HAPSTR1: variants seen among roughly 807,000 people sequenced by gnomAD.
HAPSTR1 encodes the protein HUWE1 associated protein modifying stress responses.
At chr16:9,092,194 G>A in the HAPSTR1 span, 1 of 1,583,998 alleles carries the variant, frequency 6.3e-7, no homozygotes. Flanking sequence ...CGGCCGCCGC[G>A]CAGCCCGAGC....
At chr16:9,116,728 A>G in the HAPSTR1 span, 1 of 1,614,184 alleles carries the variant, frequency 6.2e-7, no homozygotes, top group South Asian at 1.1e-5. Context: ...TCTCCTACAC[A>G]TGTAAGCAGT....
the HAPSTR1 span, among the ~76,000 whole-genome samples, chr16:9,101,834 T>G: frequency 6.6e-6 from 1 of 151,982 alleles, no homozygotes; most frequent in Non-Finnish European, 1.5e-5. Context: ...GACAAGAAAT[T>G]AAAGCCGCCG....
At chr16:9,117,087 G>C in the HAPSTR1 span, 1 of 856,258 alleles carries the variant, frequency 1.2e-6, no homozygotes, top group Non-Finnish European at 1.7e-6. Context: ...GATGCCTCTT[G>C]TAATTATGGC....
chr16:9,109,258 TG>T, the HAPSTR1 span: 2 of 152,186 alleles, frequency 1.3e-5, no homozygotes, highest in African/African-American at 4.8e-5. Context: ...TGGAAAGGGT[TG>T]GATTGAAATC....
the HAPSTR1 span, chr16:9,118,160 T>G: frequency 6.6e-6 from 1 of 152,628 alleles, no homozygotes; most frequent in African/African-American, 2.4e-5. Flanking sequence ...ATGATAGTGT[T>G]TTTTTAGATG....
the HAPSTR1 span, chr16:9,092,851 T>C: frequency 7.1e-7 from 1 of 1,403,002 alleles, no homozygotes; most frequent in Non-Finnish European, 9.7e-7. Flanking sequence ...ATTCTTGTTC[T>C]CTTTCTTTCT....
chr16:9,102,353 C>G, the HAPSTR1 span, among the ~76,000 whole-genome samples: 76 of 152,158 alleles, frequency 5.0e-4, no homozygotes, highest in African/African-American at 1.8e-3. Flanking sequence ...TTTACCAAAA[C>G]CCAGGTGGAG....
the HAPSTR1 span, among the ~76,000 whole-genome samples, chr16:9,093,837 G>T: frequency 3.3e-5 from 5 of 151,670 alleles, no homozygotes; most frequent in Non-Finnish European, 7.4e-5. Context: ...AGAAATTTGG[G>T]GTTGATTTTT....
At chr16:9,115,708 G>C in the HAPSTR1 span, among the ~76,000 whole-genome samples, 6 of 152,198 alleles carry the variant, frequency 3.9e-5, no homozygotes, top group African/African-American at 1.4e-4. Context: ...ACCGCCTCCC[G>C]GGTTCAAGCG....
the HAPSTR1 span, among the ~76,000 whole-genome samples, chr16:9,095,641 T>G: frequency 1.3e-5 from 2 of 151,794 alleles, no homozygotes; most frequent in African/African-American, 4.8e-5. Context: ...AAGGTCAGGA[T>G]TGAGATTAAA....
chr16:9,102,789 A>T, the HAPSTR1 span, among the ~76,000 whole-genome samples: 2 of 152,148 alleles, frequency 1.3e-5, no homozygotes, highest in Admixed American at 1.3e-4. Context: ...TAAACACTGA[A>T]TTTAGACCAT....
chr16:9,095,885 T>C, the HAPSTR1 span, among the ~76,000 whole-genome samples: 1 of 150,916 alleles, frequency 6.6e-6, no homozygotes, highest in Admixed American at 6.6e-5. Context: ...AAATACTGAC[T>C]GCTGGTTTTT....
At chr16:9,102,963 CTTTTTCTT>C in the HAPSTR1 span, 4 of 1,608,386 alleles carry the variant, frequency 2.5e-6, no homozygotes, top group Non-Finnish European at 3.4e-6. Context: ...TACATGTTTT[CTTTTTCTT>C]TTTTTCTAAC....
the HAPSTR1 span, chr16:9,118,235 A>G: frequency 2.6e-5 from 4 of 152,630 alleles, no homozygotes; most frequent in African/African-American, 4.8e-5. Context: ...TTATATATCA[A>G]GTAGGACAGT....
the HAPSTR1 span, chr16:9,110,948 G>T: frequency 0.29 from 44,209 of 152,322 alleles, 7,032 homozygotes; most frequent in African/African-American, 0.39. Context: ...TGAGGCAGGA[G>T]AATTGCCTGA....
the HAPSTR1 span, chr16:9,103,318 A>G: frequency 6.5e-7 from 1 of 1,546,480 alleles, no homozygotes; most frequent in Non-Finnish European, 8.8e-7. Flanking sequence ...CTGTGGACCC[A>G]TTTTTCACGG....
At chr16:9,119,569 T>G in the HAPSTR1 span, 1 of 152,216 alleles carries the variant, frequency 6.6e-6, no homozygotes. Flanking sequence ...TTTAATATTT[T>G]TTAGAGCAAA....
At chr16:9,108,337 A>C in the HAPSTR1 span, 4 of 152,058 alleles carry the variant, frequency 2.6e-5, no homozygotes, top group African/African-American at 7.2e-5. Context: ...TCTAATTTTC[A>C]ATATATTTAT....
chr16:9,092,892 G>GTTTTTTTTTTTTTTTTTTTTT, the HAPSTR1 span: 2 of 1,267,512 alleles, frequency 1.6e-6, no homozygotes, highest in South Asian at 1.4e-5. Flanking sequence ...TTTCTTTTTG[G>GTTTTTTTTTTTTTTTTTTTTT]TTTTTTTTTT....
Sources: allele counts gnomAD v4.1 joint callset (sites outside exome capture counted in the v4.1 genomes callset), GRCh38; gene constraint gnomAD v4.1.1; transcripts MANE v1.5; gene names NCBI Gene and HGNC (gene_info 2026-07-23, HGNC 2026-07-21).